Variants in PGAP4 observed in about 807,000 individuals in gnomAD.
PGAP4 encodes post-GPI attachment to proteins GalNAc transferase 4.
Under a neutral mutation model 28.2 loss-of-function variants are expected in PGAP4, and 12 were observed. That is an observed-to-expected ratio of 0.42 (90% CI 0.27 to 0.69). The LOEUF (loss-of-function observed/expected upper bound fraction) is 0.69, where lower values mean the gene tolerates loss of function less well. Among genes scored for constraint, PGAP4 ranks in the 30% least tolerant of loss-of-function variants. The pLI is 0.22. For missense variants in PGAP4, 425 were observed against 513.5 expected, an observed-to-expected ratio of 0.83 and a Z score of 1.67; for synonymous variants, 205 against 211.8, an observed-to-expected ratio of 0.97 and a Z score of 0.28.
At chr9:101,500,720 G>T (rs1826789801) in intron 2 of PGAP4, among the ~76,000 whole-genome samples, 1 of 151,998 alleles carries the variant, frequency 6.6e-6, no homozygotes, top group South Asian at 2.1e-4. Context: ...AAGATAATGA[G>T]TGGGAAATTA....
At position 101,476,963 on chromosome 9, in the gene PGAP4, G is replaced by T; in HGVS notation, c.130C>A (p.His44Asn). The T allele has an allele frequency of 6.2e-7, 1 of 1,612,416 alleles. No individual in the cohort carries two copies. Among genetic ancestry groups the T allele is most frequent in the Non-Finnish European group, 8.5e-7 (1 of 1,179,416 alleles). ...TFGLLAPLAC[H>N]RLLHSYFYLR... ...TAGAAGTAAGAGTGTAGAAGTCGGT[G>T]ACAGGCCAGGGGGGCCAGCAGGCCA... Residue 44 changes from histidine (H) to asparagine (N), a missense_variant, in exon 2 of 2, where the codon CAC becomes AAC. Coordinates refer to ENST00000374848, the MANE Select transcript of PGAP4 (RefSeq NM_032342.3). This position sits in a 1 kb window ranked among gnomAD's most constrained non-coding sequence, Gnocchi z 7.0.
upstream of PGAP4, among the ~76,000 whole-genome samples, chr9:101,490,386 C>T (rs1051610323): frequency 6.6e-6 from 1 of 151,982 alleles, no homozygotes; most frequent in African/African-American, 2.4e-5. Flanking sequence ...GCTGGGGTTT[C>T]ACCATTTTGG....
exon 2 of PGAP4, chr9:101,531,555 A>C (rs1438208349): frequency 6.6e-6 from 1 of 152,256 alleles, no homozygotes; most frequent in African/African-American, 2.4e-5. Flanking sequence ...CCTCACACAG[A>C]AAATCTGGAA....
At position 101,477,016 on chromosome 9, in the gene PGAP4, T is replaced by C; in HGVS notation, c.77A>G (p.Gln26Arg). 1 of 1,613,510 alleles carries C rather than the reference T, an allele frequency of 6.2e-7. No homozygotes were observed. The highest frequency in any genetic ancestry group is 8.5e-7 in the Non-Finnish European group (1 of 1,179,920). The change falls in exon 2 of 2, where the codon CAG (glutamine) becomes CGG (arginine). Residue 26 changes from glutamine to arginine, a missense_variant. Gln to Arg is a conservative substitution (Grantham distance 43, BLOSUM62 1). Transcript: ENST00000374848. ...RRLSWGSTAV[Q>R]LFILTVVTFG... ...CGTCACCACTGTTAGGATGAAGAGC[T>C]GGACAGCAGTGCTGCCCCAGGAGAG...
intron 2 of PGAP4, among the ~76,000 whole-genome samples, chr9:101,528,193 C>T (rs1160178343): frequency 6.6e-6 from 1 of 152,094 alleles, no homozygotes; most frequent in Non-Finnish European, 1.5e-5. Context: ...TTTTTAAGTG[C>T]CTTCTAGAAT....
chr9:101,521,684 A>G (rs898745404), intron 2 of PGAP4, among the ~76,000 whole-genome samples: 4 of 151,432 alleles, frequency 2.6e-5, no homozygotes, highest in African/African-American at 4.9e-5. Context: ...TATCTTTTGT[A>G]TTTTTTGTTT....
chr9:101,512,190 C>T (rs1826903936), intron 2 of PGAP4, among the ~76,000 whole-genome samples: 1 of 152,084 alleles, frequency 6.6e-6, no homozygotes, highest in African/African-American at 2.4e-5. Flanking sequence ...ACAGACCAAA[C>T]CAAAATGCAG....
intron 2 of PGAP4, among the ~76,000 whole-genome samples, chr9:101,495,649 G>A (rs1201881091): frequency 6.7e-6 from 1 of 149,694 alleles, no homozygotes; most frequent in Non-Finnish European, 1.5e-5. Flanking sequence ...TATTTAACCA[G>A]AGTGATAACC....
At chr9:101,525,699 C>CAAA (rs397893277) in intron 2 of PGAP4, among the ~76,000 whole-genome samples, 53 of 61,222 alleles carry the variant, frequency 8.7e-4, no homozygotes, top group Middle Eastern at 0.011. Flanking sequence ...CAGAGCGTCT[C>CAAA]AAAAAAAAAA....
At chr9:101,528,970 T>C (rs1452097427) in intron 2 of PGAP4, among the ~76,000 whole-genome samples, 1 of 151,904 alleles carries the variant, frequency 6.6e-6, no homozygotes, top group African/African-American at 2.4e-5. Flanking sequence ...CTGGTTTGTG[T>C]TGCTCCTCTC....
intron 2 of PGAP4, among the ~76,000 whole-genome samples, chr9:101,499,157 A>G (rs925385635): frequency 6.6e-6 from 1 of 152,068 alleles, no homozygotes; most frequent in Admixed American, 6.6e-5. Flanking sequence ...CCCAGAAGCG[A>G]TGTAAGATTT....
At chr9:101,521,101 G>A (rs1003792012) in intron 2 of PGAP4, among the ~76,000 whole-genome samples, 2 of 152,082 alleles carry the variant, frequency 1.3e-5, no homozygotes, top group African/African-American at 2.4e-5. Context: ...TTTTTGATAC[G>A]TTGTTGGATT....
At chr9:101,514,691 G>T (rs1826928532) in intron 2 of PGAP4, among the ~76,000 whole-genome samples, 2 of 152,106 alleles carry the variant, frequency 1.3e-5, no homozygotes, top group African/African-American at 4.8e-5. Flanking sequence ...GAGGAGTTGG[G>T]TTGGGGGCAG....
At chr9:101,495,195 A>T (rs1166782027) in intron 2 of PGAP4, among the ~76,000 whole-genome samples, 1 of 98,800 alleles carries the variant, frequency 1.0e-5, no homozygotes, top group African/African-American at 3.8e-5. Context: ...TGTATAATAT[A>T]AAATATATCT....
At chr9:101,511,510 C>T (rs1033755537) in intron 2 of PGAP4, among the ~76,000 whole-genome samples, 1 of 152,094 alleles carries the variant, frequency 6.6e-6, no homozygotes, top group Non-Finnish European at 1.5e-5. Flanking sequence ...GAGTGGGATG[C>T]TATTTTAATT....
intron 2 of PGAP4, among the ~76,000 whole-genome samples, chr9:101,505,461 C>A (rs1826841865): frequency 6.6e-6 from 1 of 151,992 alleles, no homozygotes; most frequent in Non-Finnish European, 1.5e-5. Context: ...TATCCCACAC[C>A]AAGGACGGTA....
intron 2 of PGAP4, among the ~76,000 whole-genome samples, chr9:101,496,088 A>G (rs1826745424): frequency 1.3e-5 from 2 of 151,520 alleles, no homozygotes; most frequent in African/African-American, 4.8e-5. Flanking sequence ...TTTTGGTTAT[A>G]TGGAACAATT....
intron 2 of PGAP4, among the ~76,000 whole-genome samples, chr9:101,518,251 A>C (rs934292400): frequency 6.6e-6 from 1 of 152,154 alleles, no homozygotes; most frequent in Admixed American, 6.6e-5. Context: ...TCCATAGTGT[A>C]TATGTAGCAC....
chr9:101,494,327 T>A (rs1297493593), intron 2 of PGAP4, among the ~76,000 whole-genome samples: 4 of 152,038 alleles, frequency 2.6e-5, no homozygotes, highest in Non-Finnish European at 4.4e-5. Context: ...TTTTACATTT[T>A]TGGAGAATCA....
Sources: allele counts gnomAD v4.1 joint callset (sites outside exome capture counted in the v4.1 genomes callset), GRCh38; gene constraint gnomAD v4.1.1; non-coding constraint Gnocchi (gnomAD v3.1); transcripts MANE v1.5; gene names NCBI Gene and HGNC (gene_info 2026-07-23, HGNC 2026-07-21).